Variants in KIF25 observed in about 807,000 individuals in gnomAD.
KIF25 encodes the protein kinesin family member 25.
KIF25 carries 19 observed loss-of-function variants against 32.9 expected under a neutral mutation model. The ratio of observed to expected loss-of-function variants is 0.58; its 90% confidence interval spans 0.40 to 0.85. KIF25 has a LOEUF of 0.85. KIF25 is among the 40% of genes least tolerant of loss of function. The probability of loss-of-function intolerance (pLI) is 0.00; values close to 1 mark genes in which losing one functional copy is unlikely to be tolerated. For synonymous variants in KIF25, 225 were observed against 213.7 expected (o/e 1.05, Z -0.46); for missense variants, 485 against 507.0 (o/e 0.96, Z 0.42).
At chr6:168,029,241 A>G (rs544848866) in intron 5 of KIF25, among the ~76,000 whole-genome samples, 1 of 152,326 alleles carries the variant, frequency 6.6e-6, no homozygotes, top group South Asian at 2.1e-4. Flanking sequence ...AATATTTACG[A>G]TCTAGTTTTT....
At chr6:168,016,700 T>C (rs933394661) in intron 4 of KIF25, among the ~76,000 whole-genome samples, 2 of 152,278 alleles carry the variant, frequency 1.3e-5, no homozygotes, top group African/African-American at 2.4e-5. Context: ...TCTTCTTTTC[T>C]AATTTGCATT....
intron 8 of KIF25, among the ~76,000 whole-genome samples, chr6:168,037,907 G>C (rs1799048385): frequency 6.6e-6 from 1 of 152,052 alleles, no homozygotes; most frequent in South Asian, 2.1e-4. Context: ...GTAGAGATGG[G>C]GTTTCACCAG....
In KIF25 at chr6:168,030,768, C is replaced by T. The variant is rs1264253354; in HGVS notation, c.93-5C>T. The T allele has an allele frequency of 1.2e-6, 2 of 1,606,748 alleles. No homozygotes were observed. Among genetic ancestry groups the T allele is most frequent in the Non-Finnish European group, 1.7e-6 (2 of 1,177,360 alleles). On this transcript the variant is annotated splice_polypyrimidine_tract_variant and splice_region_variant and intron_variant, in intron 6 of 12. Transcript: ENST00000643607. ...TTAATACAGCATTTTCACTTTGTCTCTCAGGGTTTATGGTCCAGCAGAGTC... is the reference window on the plus strand; with the variant it reads ...TTAATACAGCATTTTCACTTTGTCTTTCAGGGTTTATGGTCCAGCAGAGTC...
intron 11 of KIF25, 49 bp downstream of exon 11, chr6:168,042,200 A>G: frequency 6.6e-7 from 1 of 1,510,946 alleles, no homozygotes; most frequent in Non-Finnish European, 8.9e-7. Flanking sequence ...GCAGAAGCCT[A>G]TGATCTGATG....
At position 167,998,041 on chromosome 6, in the gene KIF25, C is replaced by A. The variant is rs961890150; in HGVS notation, c.-1428C>A. On this transcript the variant is annotated 5_prime_UTR_variant, in exon 1 of 13. Transcript: ENST00000643607. ...TCCTGTGTACCAAGTACTTTTGAAA[C>A]CATTTGGTGTATTTTCTTATTTAAT... 3.3e-5 allele frequency among the ~76,000 whole-genome samples: 5 copies of A among 152,106 alleles called. No individual in the cohort carries two copies. The highest frequency in any genetic ancestry group is 6.5e-5 in the Admixed American group (1 of 15,276).
intron 10 of KIF25, among the ~76,000 whole-genome samples, chr6:168,041,337 C>A (rs1025111525): frequency 6.6e-6 from 1 of 152,330 alleles, no homozygotes; most frequent in Non-Finnish European, 1.5e-5. Flanking sequence ...CGGCCTTGTA[C>A]CGCAGGGGCT....
At chr6:168,035,441 A>AACGGCGCTGCGGGGG (rs1562390528) in intron 8 of KIF25, among the ~76,000 whole-genome samples, 21 of 12,496 alleles carry the variant, frequency 1.7e-3, no homozygotes, top group South Asian at 4.2e-3. Flanking sequence ...GGCGCGGCGG[A>AACGGCGCTGCGGGGG]GGAGGCGGGA....
rs571768249 is a variant in KIF25 at position 168,033,670 on chromosome 6, G to A, written c.168-212G>A. Among the ~76,000 whole-genome samples the A allele has an allele frequency of 2.7e-3, 411 of 152,226 alleles. 1 individual carries two copies. Among genetic ancestry groups the A allele is most frequent in the Non-Finnish European group, 3.6e-3 (247 of 68,032 alleles). On this transcript the variant is annotated intron_variant, in intron 7 of 12. Transcript: ENST00000643607. The stretch of plus-strand genomic sequence containing the variant: ...CTGTGTGTGTGTCAGTGCAAATACC[G>A]TTTAATCCAATGTCGTACAACAAGA...
At chr6:168,038,528 G>T (rs1182331477) in intron 8 of KIF25, 25 bp from the exon 9 acceptor site, 1 of 1,612,218 alleles carries the variant, frequency 6.2e-7, no homozygotes, top group Non-Finnish European at 8.5e-7. Flanking sequence ...CTTTCTGTAA[G>T]TTTCTCTTGT....
intron 3 of KIF25, 103 bp from the exon 4 acceptor site, chr6:168,003,511 A>G (rs1480357259): frequency 6.6e-6 from 1 of 152,196 alleles, no homozygotes; most frequent in Non-Finnish European, 1.5e-5. Flanking sequence ...AGAGACAGAG[A>G]TGATGGCGAA....
chr6:168,013,007 G>A (rs1317164217), intron 4 of KIF25, among the ~76,000 whole-genome samples: 6 of 152,100 alleles, frequency 3.9e-5, no homozygotes, highest in African/African-American at 1.4e-4. Context: ...TGGGGTACAG[G>A]TGCAAGGCTG....
rs542561845 is a variant in KIF25 at position 168,042,706 on chromosome 6, G to A, written c.975G>A (p.Gln325=). Residue 325 remains glutamine (Q), a synonymous_variant, in exon 12 of 13, where the codon CAG becomes CAA. Coordinates refer to ENST00000643607, the MANE Select transcript of KIF25 (RefSeq NM_030615.4). ...ACAGCAGGCTCACCCACCTCCTTCA[G>A]GACTGCCTCGGTAACCGTTTTCCCC... The part of the protein sequence containing the change: ...YRNSRLTHLL[Q]DCLGGDAKLL... The A allele has an allele frequency of 1.9e-6, 3 of 1,610,634 alleles. No individual in the cohort carries two copies. Among genetic ancestry groups the A allele is most frequent in the Non-Finnish European group, 2.5e-6 (3 of 1,179,196 alleles).
chr6:168,035,594 C>T (rs990442521), intron 8 of KIF25: 3 of 423,030 alleles, frequency 7.1e-6, no homozygotes, highest in African/African-American at 2.0e-5. Context: ...AGGAAGATGG[C>T]CAGGCGGCTG....
At chr6:168,017,907 T>G (rs1244623550) in intron 4 of KIF25, 66 bp from the exon 5 acceptor site, 1 of 152,456 alleles carries the variant, frequency 6.6e-6, no homozygotes, top group Non-Finnish European at 1.5e-5. Flanking sequence ...CTGGGGTTGG[T>G]GGGGCTTGTG....
intron 8 of KIF25, among the ~76,000 whole-genome samples, chr6:168,036,833 G>C (rs953762787): frequency 6.6e-5 from 10 of 152,160 alleles, no homozygotes; most frequent in Admixed American, 6.5e-4. Flanking sequence ...AGGCTTAGGC[G>C]GGTGGATCAC....
At chr6:168,028,592 A>C (rs1317938566) in intron 5 of KIF25, among the ~76,000 whole-genome samples, 2 of 152,184 alleles carry the variant, frequency 1.3e-5, no homozygotes, top group African/African-American at 2.4e-5. Context: ...TGCCAAAAAA[A>C]ATTGTAACAA....
chr6:168,011,166 G>T (rs1583127902), intron 4 of KIF25, among the ~76,000 whole-genome samples: 1 of 152,088 alleles, frequency 6.6e-6, no homozygotes, highest in East Asian at 1.9e-4. Context: ...ACTGCTTTTT[G>T]ATTGTTTTGT....
At chr6:168,016,524 G>A (rs1054575227) in intron 4 of KIF25, among the ~76,000 whole-genome samples, 1 of 152,178 alleles carries the variant, frequency 6.6e-6, no homozygotes, top group African/African-American at 2.4e-5. Context: ...GTCATCCCAG[G>A]AAATTGGATA....
intron 8 of KIF25, chr6:168,036,154 G>T: frequency 5.5e-6 from 1 of 181,274 alleles, no homozygotes. Context: ...TGGATTCCTT[G>T]GCTCTGCACG....
Sources: allele counts gnomAD v4.1 joint callset (sites outside exome capture counted in the v4.1 genomes callset), GRCh38; gene constraint gnomAD v4.1.1; transcripts MANE v1.5; gene names NCBI Gene and HGNC (gene_info 2026-07-23, HGNC 2026-07-21).